ERICH3: variants seen among roughly 807,000 people sequenced by gnomAD.
The protein encoded by ERICH3 is glutamate rich 3, also known as glutamate-rich protein 3.
ERICH3 carries 126 observed loss-of-function variants against 131.1 expected under a neutral mutation model. The ratio of observed to expected loss-of-function variants is 0.96; its 90% CI spans 0.83 to 1.11. ERICH3 has a LOEUF of 1.11. Among genes scored for constraint, ERICH3 ranks in the 50% most tolerant of loss-of-function variants. The pLI, the probability that ERICH3 is intolerant of heterozygous loss-of-function variation, is 0.00. For synonymous variants in ERICH3, 695 were observed against 644.6 expected, an observed-to-expected ratio of 1.08 and a Z score of -1.18; for missense variants, 2,050 against 1,810.7, an observed-to-expected ratio of 1.13 and a Z score of -2.40.
intron 7 of ERICH3, 116 bp downstream of exon 7, chr1:74,631,597 A>G (rs575519738): frequency 2.2e-5 from 18 of 812,298 alleles, no homozygotes; most frequent in Middle Eastern, 3.5e-4. Context: ...GTATTTCTTT[A>G]CACACAACGT....
chr1:74,598,553 T>C (rs1372547461), intron 11 of ERICH3, among the ~76,000 whole-genome samples: 1 of 151,846 alleles, frequency 6.6e-6, no homozygotes, highest in East Asian at 1.9e-4. Flanking sequence ...TGATAAACTA[T>C]GCCTAATAAA....
rs1235503697 is a variant in ERICH3 at position 74,636,446 on chromosome 1, ATTAGGGG to A, written c.445-15_445-9del. 1 of 1,592,310 alleles carries A rather than the reference ATTAGGGG, an allele frequency of 6.3e-7. No individual in the cohort carries two copies. ...ATATGGTCGAGGGGCTGTCTAGACA[ATTAGGGG>A]AAAAAATTCCATTTAAATTAGTATC... On this transcript the variant is annotated splice_polypyrimidine_tract_variant and intron_variant, in intron 5 of 14. Coordinates refer to ENST00000326665, the MANE Select transcript of ERICH3 (RefSeq NM_001002912.5).
intron 9 of ERICH3, among the ~76,000 whole-genome samples, chr1:74,610,949 T>A (rs992813623): frequency 2.0e-5 from 3 of 152,196 alleles, no homozygotes; most frequent in Non-Finnish European, 4.4e-5. Flanking sequence ...CTCTAGGTTC[T>A]CTTTCTATTC....
At chr1:74,606,103 A>G (rs1416662781) in intron 10 of ERICH3, among the ~76,000 whole-genome samples, 2 of 151,618 alleles carry the variant, frequency 1.3e-5, no homozygotes, top group Non-Finnish European at 2.9e-5. Flanking sequence ...GAGAGAACAG[A>G]GAAAAAAGAA....
chr1:74,588,561 G>A (rs182672957), intron 12 of ERICH3, among the ~76,000 whole-genome samples: 10 of 152,162 alleles, frequency 6.6e-5, no homozygotes, highest in East Asian at 3.9e-4. Context: ...CTTTTAAAAC[G>A]CAGCTGAATT....
Position 74,641,471 on chromosome 1 carries a change from A to T in ERICH3, c.316-12T>A, listed in dbSNP as rs115687850. 8.5e-4 allele frequency: 1,372 copies of T among 1,609,108 alleles called. 8 individuals are homozygous for T. The African/African-American group carries it at 0.016, about 19-fold the overall frequency. On this transcript the variant is annotated splice_polypyrimidine_tract_variant and intron_variant, in intron 4 of 14. Coordinates refer to ENST00000326665, the MANE Select transcript of ERICH3 (RefSeq NM_001002912.5). The stretch of plus-strand genomic sequence containing the variant: ...CTTGTGTGCTCTCCCTAGAATAAGA[A>T]AGCAATTTAGCAAATAGATGCATAG...
chr1:74,644,686 C>G (rs919533847), intron 3 of ERICH3, among the ~76,000 whole-genome samples: 1 of 151,960 alleles, frequency 6.6e-6, no homozygotes, highest in Non-Finnish European at 1.5e-5. Context: ...GCTGCGTCTC[C>G]CAGCATTACC....
chr1:74,614,823 A>G (rs1414847291), intron 8 of ERICH3, among the ~76,000 whole-genome samples: 1 of 152,210 alleles, frequency 6.6e-6, no homozygotes, highest in African/African-American at 2.4e-5. Flanking sequence ...GAGTCTGGGA[A>G]AACTAGGATA....
At chr1:74,577,940 C>A (rs2100534359) in intron 12 of ERICH3, among the ~76,000 whole-genome samples, 1 of 152,266 alleles carries the variant, frequency 6.6e-6, no homozygotes, top group Non-Finnish European at 1.5e-5. Flanking sequence ...TGATTTGACC[C>A]CAATATTCAC....
intron 1 of ERICH3, among the ~76,000 whole-genome samples, chr1:74,661,643 T>A (rs1646642496): frequency 6.6e-6 from 1 of 152,200 alleles, no homozygotes; most frequent in Non-Finnish European, 1.5e-5. Context: ...TTATTTGGGG[T>A]TTATGTCCCT....
intron 14 of ERICH3, among the ~76,000 whole-genome samples, chr1:74,570,854 G>T (rs149888668): frequency 7.6e-4 from 115 of 152,260 alleles, no homozygotes; most frequent in South Asian, 7.0e-3. Flanking sequence ...TCAGGGAGCT[G>T]CCTTGCAAAG....
chr1:74,615,572 G>T (rs1450342927), intron 8 of ERICH3, among the ~76,000 whole-genome samples: 2 of 152,126 alleles, frequency 1.3e-5, no homozygotes, highest in Non-Finnish European at 2.9e-5. Flanking sequence ...GACTCAAAAA[G>T]ATATCATTAA....
At chr1:74,611,700 A>G (rs1184118748) in intron 9 of ERICH3, among the ~76,000 whole-genome samples, 3 of 152,112 alleles carry the variant, frequency 2.0e-5, no homozygotes, top group Non-Finnish European at 2.9e-5. Context: ...CCTTCTGTAT[A>G]TGCTTTTCCT....
At chr1:74,612,239 C>T (rs1190897055) in intron 9 of ERICH3, among the ~76,000 whole-genome samples, 3 of 152,142 alleles carry the variant, frequency 2.0e-5, no homozygotes, top group African/African-American at 7.2e-5. Context: ...TTGGCACACA[C>T]TTTAAGGCTC....
intron 7 of ERICH3, among the ~76,000 whole-genome samples, chr1:74,629,782 G>A (rs563664288): frequency 7.2e-5 from 11 of 152,078 alleles, no homozygotes; most frequent in South Asian, 2.1e-4. Flanking sequence ...ATTTTCTTCC[G>A]GAAATAGCGT....
At chr1:74,672,380 CTA>C (rs1208755256) in intron 1 of ERICH3, among the ~76,000 whole-genome samples, 2 of 152,186 alleles carry the variant, frequency 1.3e-5, no homozygotes. Context: ...GTAATCATAG[CTA>C]TATCACTTTT....
At chr1:74,581,490 A>T (rs927366621) in intron 12 of ERICH3, among the ~76,000 whole-genome samples, 1 of 151,974 alleles carries the variant, frequency 6.6e-6, no homozygotes, top group Non-Finnish European at 1.5e-5. Context: ...TATCCAGTGA[A>T]TTTTTTTCTC....
In ERICH3 at chr1:74,597,042, T is replaced by C. The variant is rs532151080; in HGVS notation, c.1726+2653A>G. ...CAAATACTAACAGCAAGATTCTTAA[T>C]CATGTCAATAAAAAGGATGTACTGG... On this transcript the variant is annotated intron_variant, in intron 11 of 14. Transcript: ENST00000326665. Among the ~76,000 whole-genome samples the C allele has an allele frequency of 7.9e-5, 12 of 152,166 alleles. 1 individual carries two copies. The East Asian group carries it at 1.9e-3, about 25-fold the overall frequency.
chr1:74,620,714 C>T lies in ERICH3; in HGVS notation c.1000+20G>A. On this transcript the variant is annotated intron_variant, in intron 8 of 14. Coordinates refer to ENST00000326665, the MANE Select transcript of ERICH3 (RefSeq NM_001002912.5). ...ACATCAACTCCAAGCAATTAAAAAA[C>T]ATTCACATTTTATGTGTACCTTTTT... The T allele has an allele frequency of 6.4e-7, 1 of 1,555,026 alleles. No homozygotes were observed. The highest frequency in any genetic ancestry group is 1.2e-5 in the South Asian group (1 of 81,548).
Sources: gnomAD v4.1 joint callset for allele counts (sites outside exome capture counted in the v4.1 genomes callset) on GRCh38, gnomAD v4.1.1 for gene constraint, MANE v1.5 for transcripts, NCBI Gene and HGNC (gene_info 2026-07-23, HGNC 2026-07-21) for gene names.